OR2L13: variants seen among roughly 807,000 people sequenced by gnomAD.
OR2L13 encodes olfactory receptor family 2 subfamily L member 13.
OR2L13 carries 14 observed loss-of-function variants against 15.3 expected under a neutral mutation model. The observed-to-expected ratio is 0.91, with a 90% confidence interval of 0.60 to 1.43. The LOEUF is 1.43. Ranked by LOEUF, OR2L13 falls within the 40% of genes most tolerant of loss-of-function variation. The pLI is 0.00. For missense variants in OR2L13, 367 were observed against 387.9 expected, an observed-to-expected ratio of 0.95 and a Z score of 0.45; for synonymous variants, 152 against 142.9, an observed-to-expected ratio of 1.06 and a Z score of -0.45.
chr1:248,022,998 G>T, the OR2L13 span: 1 of 996,450 alleles, frequency 1.0e-6, no homozygotes, highest in Non-Finnish European at 1.5e-6. Context: ...GATTAATCCA[G>T]AATGTTTGTC....
At chr1:248,082,751 C>A in the OR2L13 span, among the ~76,000 whole-genome samples, 1 of 152,160 alleles carries the variant, frequency 6.6e-6, no homozygotes, top group Non-Finnish European at 1.5e-5. Flanking sequence ...CTCTACTCAC[C>A]TATGCCTTGG....
the OR2L13 span, among the ~76,000 whole-genome samples, chr1:248,028,285 G>A: frequency 2.0e-5 from 3 of 151,566 alleles, no homozygotes; most frequent in South Asian, 4.2e-4. Context: ...TTGGTGTTTT[G>A]GTCTGCTACC....
the OR2L13 span, chr1:248,022,044 A>G: frequency 3.7e-6 from 6 of 1,613,474 alleles, no homozygotes; most frequent in African/African-American, 4.0e-5. Context: ...CTTTGTTCTC[A>G]TTTTCCTAAT....
the OR2L13 span, among the ~76,000 whole-genome samples, chr1:248,010,740 A>G: frequency 4.7e-5 from 6 of 126,702 alleles, no homozygotes; most frequent in African/African-American, 1.7e-4. Context: ...AGAGACTAAG[A>G]TTGCAAATAC....
the OR2L13 span, among the ~76,000 whole-genome samples, chr1:248,076,625 A>T: frequency 2.0e-5 from 3 of 152,210 alleles, no homozygotes; most frequent in South Asian, 4.1e-4. Context: ...ATGGGAGTTC[A>T]CTCATGATTT....
chr1:247,982,089 A>G, the OR2L13 span, among the ~76,000 whole-genome samples: 493 of 152,310 alleles, frequency 3.2e-3, 2 homozygotes, highest in African/African-American at 0.012. Context: ...TGCTGGGATT[A>G]CAAGCGTGAG....
chr1:247,998,631 T>C, the OR2L13 span, among the ~76,000 whole-genome samples: 1 of 152,138 alleles, frequency 6.6e-6, no homozygotes, highest in Admixed American at 6.6e-5. Context: ...AAAGGCACAA[T>C]GAGAATGGTT....
the OR2L13 span, among the ~76,000 whole-genome samples, chr1:247,994,956 TC>T: frequency 6.6e-6 from 1 of 152,202 alleles, no homozygotes; most frequent in Non-Finnish European, 1.5e-5. Flanking sequence ...ATTTTGATGA[TC>T]TCACTTTCCT....
the OR2L13 span, among the ~76,000 whole-genome samples, chr1:248,066,000 C>T: frequency 6.6e-6 from 1 of 152,172 alleles, no homozygotes; most frequent in Non-Finnish European, 1.5e-5. Flanking sequence ...TCACCAGAGC[C>T]TGACAGCTGG....
chr1:248,016,935 C>G, the OR2L13 span, among the ~76,000 whole-genome samples: 4 of 152,026 alleles, frequency 2.6e-5, no homozygotes, highest in African/African-American at 4.8e-5. Flanking sequence ...AGGATTAAAT[C>G]TAATGGAATT....
chr1:248,069,161 A>G, the OR2L13 span, among the ~76,000 whole-genome samples: 1 of 152,172 alleles, frequency 6.6e-6, no homozygotes. Context: ...CAACTCCAAG[A>G]CACATAATTG....
chr1:247,948,805 T>C, the OR2L13 span: 2 of 1,455,066 alleles, frequency 1.4e-6, no homozygotes. Context: ...GGCGAATTAC[T>C]GTACGTAAAT....
chr1:248,002,898 T>C, the OR2L13 span, among the ~76,000 whole-genome samples: 1 of 152,020 alleles, frequency 6.6e-6, no homozygotes, highest in Non-Finnish European at 1.5e-5. Flanking sequence ...CCTTTTCAAT[T>C]GTTTGGAACT....
chr1:248,023,001 T>C, the OR2L13 span: 1 of 984,932 alleles, frequency 1.0e-6, no homozygotes, highest in South Asian at 2.0e-5. Context: ...TAATCCAGAA[T>C]GTTTGTCTTT....
At chr1:248,049,016 A>G in the OR2L13 span, among the ~76,000 whole-genome samples, 1 of 151,904 alleles carries the variant, frequency 6.6e-6, no homozygotes, top group African/African-American at 2.4e-5. Context: ...TGTGATGAAT[A>G]ATAATTTTTT....
At chr1:248,028,198 T>C in the OR2L13 span, among the ~76,000 whole-genome samples, 1 of 149,030 alleles carries the variant, frequency 6.7e-6, no homozygotes, top group Admixed American at 6.7e-5. Context: ...AGAAGGCTGA[T>C]TTGAGGCTTC....
chr1:247,965,450 C>T, the OR2L13 span: 1 of 1,613,772 alleles, frequency 6.2e-7, no homozygotes, highest in Non-Finnish European at 8.5e-7. Flanking sequence ...TGGATAAACT[C>T]TCTTCTCTTT....
At chr1:248,001,335 A>C in the OR2L13 span, among the ~76,000 whole-genome samples, 1 of 151,928 alleles carries the variant, frequency 6.6e-6, no homozygotes, top group African/African-American at 2.4e-5. Context: ...TGTGAGACGT[A>C]GTTCAGGTTT....
At chr1:248,052,226 A>G in the OR2L13 span, among the ~76,000 whole-genome samples, 2 of 152,192 alleles carry the variant, frequency 1.3e-5, no homozygotes, top group African/African-American at 4.8e-5. Context: ...TCCAACTTCA[A>G]TATCTTGAAT....
Sources: allele counts gnomAD v4.1 joint callset (sites outside exome capture counted in the v4.1 genomes callset), GRCh38; gene constraint gnomAD v4.1.1; transcripts MANE v1.5; gene names NCBI Gene and HGNC (gene_info 2026-07-23, HGNC 2026-07-21).